Variants in MAD1L1 observed in about 807,000 individuals in gnomAD.
MAD1L1 encodes mitotic arrest deficient 1 like 1, also known as mitotic spindle assembly checkpoint protein MAD1.
In MAD1L1, 95 loss-of-function variants were observed where a neutral mutation model predicts 96.9. That is an observed-to-expected ratio of 0.98 (90% CI 0.83 to 1.16). The LOEUF (loss-of-function observed/expected upper bound fraction) is 1.16, where lower values mean the gene tolerates loss of function less well. Ranked by LOEUF, MAD1L1 falls within the 50% of genes most tolerant of loss-of-function variation. MAD1L1 has a pLI of 0.00. For missense variants in MAD1L1, 1,007 were observed against 954.4 expected (o/e 1.06, Z -0.73); for synonymous variants, 473 against 396.6 (o/e 1.19, Z -2.29).
At chr7:2,055,176 C>T (rs879681478) in intron 12 of MAD1L1, among the ~76,000 whole-genome samples, 34 of 152,258 alleles carry the variant, frequency 2.2e-4, no homozygotes, top group African/African-American at 2.9e-4. Context: ...GGCAGAGGCA[C>T]GCCACAAACC....
chr7:1,934,649 C>G (rs559362684), intron 17 of MAD1L1, among the ~76,000 whole-genome samples: 1,561 of 57,526 alleles, frequency 0.027, no homozygotes, highest in Middle Eastern at 0.073. Flanking sequence ...GACAGGCAGA[C>G]ACCCAGACAA....
rs190089027 is a variant in MAD1L1, at chr7:1,885,394, G to A, written c.1998+12806C>T. On this transcript the variant is annotated intron_variant, in intron 18 of 18. Transcript: ENST00000265854. Reference sequence around the variant, plus strand: ...TAGAGAAAGATGGAGAGGGCTTAACGAGGGCTTTGAAGCTCAAACTCACAG... The same window carrying A: ...TAGAGAAAGATGGAGAGGGCTTAACAAGGGCTTTGAAGCTCAAACTCACAG... Among the ~76,000 whole-genome samples, 25 of 152,298 alleles carry A rather than the reference G, an allele frequency of 1.6e-4. 1 individual carries two copies. In the East Asian group the frequency reaches 2.7e-3, roughly 16 times the overall value.
chr7:1,885,453 A>T (rs1238945555), intron 18 of MAD1L1, among the ~76,000 whole-genome samples: 2 of 150,886 alleles, frequency 1.3e-5, no homozygotes, highest in African/African-American at 4.9e-5. Context: ...GTGCACTCAG[A>T]CAGGAGAGAA....
chr7:2,217,854 T>C, intron 7 of MAD1L1, 108 bp downstream of exon 7: 1 of 928,578 alleles, frequency 1.1e-6, no homozygotes, highest in East Asian at 2.4e-5. Context: ...GCAGCTAACC[T>C]CACAGAAGGA....
chr7:2,015,121 G>T (rs1412312014), intron 12 of MAD1L1, among the ~76,000 whole-genome samples: 1 of 152,216 alleles, frequency 6.6e-6, no homozygotes, highest in Non-Finnish European at 1.5e-5. Flanking sequence ...AGAGCTGGGT[G>T]AGTCCCCCTC....
intron 10 of MAD1L1, among the ~76,000 whole-genome samples, chr7:2,172,601 G>A (rs937138314): frequency 6.6e-6 from 1 of 152,232 alleles, no homozygotes; most frequent in African/African-American, 2.4e-5. Context: ...GCAGCCACTC[G>A]CCACCTTGGC....
intron 15 of MAD1L1, among the ~76,000 whole-genome samples, chr7:1,975,733 A>G (rs1703698775): frequency 6.6e-6 from 1 of 152,044 alleles, no homozygotes; most frequent in Admixed American, 6.5e-5. Flanking sequence ...TGTCCTGAAG[A>G]GTGGGGACCT....
intron 11 of MAD1L1, among the ~76,000 whole-genome samples, chr7:2,104,832 C>T (rs1787004827): frequency 6.6e-6 from 1 of 152,246 alleles, no homozygotes; most frequent in African/African-American, 2.4e-5. Flanking sequence ...CACGCCAGGC[C>T]GTGCACAGCC....
intron 3 of MAD1L1, among the ~76,000 whole-genome samples, chr7:2,227,002 A>G (rs1291320827): frequency 2.0e-5 from 3 of 149,264 alleles, no homozygotes; most frequent in Non-Finnish European, 3.0e-5. Context: ...AAAAAAAACA[A>G]AAGAATCTAG....
intron 14 of MAD1L1, among the ~76,000 whole-genome samples, chr7:1,981,025 G>A (rs1192215878): frequency 6.6e-6 from 1 of 152,182 alleles, no homozygotes; most frequent in East Asian, 1.9e-4. Context: ...GGAGTGCAGT[G>A]GCACAATCTC....
intron 17 of MAD1L1, among the ~76,000 whole-genome samples, chr7:1,899,710 G>A (rs1018862685): frequency 2.0e-5 from 3 of 152,310 alleles, no homozygotes; most frequent in African/African-American, 7.2e-5. Context: ...GAGGAAAGGT[G>A]CAGTGTGAGT....
At chr7:1,988,159 C>T (rs955761271) in intron 14 of MAD1L1, among the ~76,000 whole-genome samples, 1 of 152,226 alleles carries the variant, frequency 6.6e-6, no homozygotes, top group Non-Finnish European at 1.5e-5. Context: ...AAGGTGGGAT[C>T]CAGGAAGAGG....
chr7:1,953,907 G>A (rs1347693045), intron 16 of MAD1L1, among the ~76,000 whole-genome samples: 3 of 152,232 alleles, frequency 2.0e-5, no homozygotes, highest in Non-Finnish European at 4.4e-5. Context: ...TCCTGGGTGG[G>A]ACTGTCAGGT....
At chr7:1,987,880 C>T (rs905311266) in intron 14 of MAD1L1, among the ~76,000 whole-genome samples, 4 of 152,148 alleles carry the variant, frequency 2.6e-5, no homozygotes, top group Non-Finnish European at 5.9e-5. Context: ...CACCACCTGT[C>T]CCTGGGTGGG....
intron 11 of MAD1L1, among the ~76,000 whole-genome samples, chr7:2,096,736 C>T (rs985215833): frequency 1.3e-5 from 2 of 152,160 alleles, no homozygotes; most frequent in Non-Finnish European, 2.9e-5. Flanking sequence ...GGCCCCTTCA[C>T]GAGGCCCAGC....
chr7:1,982,668 T>C (rs114281694), intron 14 of MAD1L1, among the ~76,000 whole-genome samples: 34 of 152,336 alleles, frequency 2.2e-4, no homozygotes, highest in African/African-American at 8.2e-4. Flanking sequence ...ATTTTCCTCC[T>C]CCTTCCCAAT....
At chr7:2,223,346 T>C (rs901153341) in intron 4 of MAD1L1, 1 of 152,214 alleles carries the variant, frequency 6.6e-6, no homozygotes, top group African/African-American at 2.4e-5. Flanking sequence ...CTCTCACTGG[T>C]TGGGATGGGA....
intron 10 of MAD1L1, among the ~76,000 whole-genome samples, chr7:2,201,670 G>C (rs1792307447): frequency 1.3e-5 from 2 of 152,226 alleles, no homozygotes; most frequent in Non-Finnish European, 1.5e-5. Flanking sequence ...CCGAGACCAA[G>C]TGATAGCGTT....
chr7:1,957,012 G>T (rs767993452), intron 16 of MAD1L1, among the ~76,000 whole-genome samples: 9 of 152,198 alleles, frequency 5.9e-5, no homozygotes, highest in Non-Finnish European at 1.2e-4. Context: ...CAGCTCTGAC[G>T]CAGAGCCTCT....
Sources: gnomAD v4.1 joint callset for allele counts (sites outside exome capture counted in the v4.1 genomes callset) on GRCh38, gnomAD v4.1.1 for gene constraint, MANE v1.5 for transcripts, NCBI Gene and HGNC (gene_info 2026-07-23, HGNC 2026-07-21) for gene names.